Variants in PDE9A observed in about 807,000 individuals in gnomAD.
PDE9A encodes high affinity cGMP-specific 3',5'-cyclic phosphodiesterase 9A.
PDE9A carries 60 observed loss-of-function variants against 87.4 expected under a neutral mutation model. That is an observed-to-expected ratio of 0.69 (90% confidence interval 0.56 to 0.85). PDE9A has a LOEUF of 0.85. PDE9A is among the 40% of genes least tolerant of loss of function. The pLI is 0.00. For missense variants in PDE9A, 665 were observed against 779.0 expected (o/e 0.85, Z 1.74); for synonymous variants, 272 against 279.4 (o/e 0.97, Z 0.27).
At chr21:42,774,724 A>G (rs2057349108) in intron 19 of PDE9A, among the ~76,000 whole-genome samples, 1 of 151,586 alleles carries the variant, frequency 6.6e-6, no homozygotes, top group African/African-American at 2.4e-5. Flanking sequence ...TCTACTAAAA[A>G]CACAAAAATT....
chr21:42,768,725 G>C (rs1015874944), intron 16 of PDE9A: 31 of 985,308 alleles, frequency 3.1e-5, no homozygotes, highest in Non-Finnish European at 3.5e-5. Context: ...TAATACAACA[G>C]CTTGATGAAC....
chr21:42,758,960 C>T lies in PDE9A; in HGVS notation c.811-39C>T, dbSNP rs2055372430. ...AAGCCAGGGGCTGGGGAGCCGGCCA[C>T]ACAACTGCCCAGTGCCTATCCTTCT... On this transcript the variant is annotated intron_variant, in intron 10 of 19. Coordinates refer to ENST00000291539, the MANE Select transcript of PDE9A (RefSeq NM_002606.3). The T allele has an allele frequency of 3.3e-6, 5 of 1,517,098 alleles. No individual in the cohort carries two copies. The South Asian group carries it at 3.4e-5, about 10-fold the overall frequency. 94.0% of individuals were successfully genotyped at this position (1,517,098 alleles called of 1,614,324 possible).
intron 1 of PDE9A, among the ~76,000 whole-genome samples, chr21:42,670,309 AGACAC>A (rs2058397027): frequency 3.1e-5 from 4 of 127,070 alleles, no homozygotes; most frequent in African/African-American, 1.3e-4. Context: ...ACATACACTT[AGACAC>A]CACACTCACA....
rs142236050 is a variant in PDE9A at position 42,683,667 on chromosome 21, A to G, written c.70-2525A>G. Among the ~76,000 whole-genome samples, 26 of 152,298 alleles carry G rather than the reference A, an allele frequency of 1.7e-4. No individual in the cohort carries two copies. The East Asian group carries it at 5.0e-3, about 29-fold the overall frequency. ...GGCAAAGCCACTTCCCTTCTGAGTA[A>G]AGTCAGACGAGCCTGCCCAGTCCCA... is the stretch of plus-strand genomic sequence containing the variant. On this transcript the variant is annotated intron_variant, in intron 1 of 19. Coordinates refer to ENST00000291539, the MANE Select transcript of PDE9A (RefSeq NM_002606.3).
At chr21:42,726,402 A>C (rs1382958993) in intron 4 of PDE9A, among the ~76,000 whole-genome samples, 2 of 151,326 alleles carry the variant, frequency 1.3e-5, no homozygotes, top group African/African-American at 2.4e-5. Context: ...AAGACCCTGA[A>C]GATTTCTCCT....
intron 1 of PDE9A, among the ~76,000 whole-genome samples, chr21:42,666,800 T>A (rs1260007379): frequency 1.3e-5 from 2 of 152,206 alleles, no homozygotes; most frequent in African/African-American, 4.8e-5. Context: ...GGGACACAGT[T>A]CAGTCCATAG....
At chr21:42,657,542 C>T (rs1477510484) in intron 1 of PDE9A, among the ~76,000 whole-genome samples, 2 of 152,250 alleles carry the variant, frequency 1.3e-5, no homozygotes, top group Admixed American at 1.3e-4. Context: ...CTGCTCCTTT[C>T]TCTTGCCTAT....
At position 42,660,868 on chromosome 21, in the gene PDE9A, T is replaced by C. The variant is rs60013180; in HGVS notation, c.69+6985T>C. The stretch of plus-strand genomic sequence containing the variant: ...TGTCTTGAACCCATCCCTGACTGCC[T>C]GTCTCCCCCCTCACCCTGACCACAT... On this transcript the variant is annotated intron_variant, in intron 1 of 19. Transcript: ENST00000291539. This position sits in a 1 kb window ranked among gnomAD's most constrained non-coding sequence, Gnocchi z 4.7. Among the ~76,000 whole-genome samples the C allele has an allele frequency of 0.3, 45,739 of 151,768 alleles. 7,972 individuals carry two copies. Among genetic ancestry groups the C allele is most frequent in the African/African-American group, 0.49 (20,195 of 41,298 alleles).
intron 19 of PDE9A, among the ~76,000 whole-genome samples, chr21:42,773,381 T>C (rs1046377035): frequency 3.3e-5 from 5 of 152,150 alleles, no homozygotes; most frequent in African/African-American, 1.2e-4. Flanking sequence ...AAAAGTGCAA[T>C]TGAAGTACTG....
At chr21:42,677,604 C>G (rs1303328044) in intron 1 of PDE9A, among the ~76,000 whole-genome samples, 1 of 152,122 alleles carries the variant, frequency 6.6e-6, no homozygotes, top group African/African-American at 2.4e-5. Context: ...CATTCGCCAG[C>G]CTGTCATGCT....
rs985643522 is a variant in PDE9A, at chr21:42,739,985, A to G, written c.569-3791A>G. Among the ~76,000 whole-genome samples the G allele has an allele frequency of 1.3e-5, 2 of 152,206 alleles. No homozygotes were observed. The highest frequency in any genetic ancestry group is 4.8e-5 in the African/African-American group (2 of 41,450). Reference sequence around the variant, plus strand: ...CATGGGGAAGGGCCGTGACCTCCTGATGAGTGAAAATAGCAAGTTAGAAAA... The same window carrying G: ...CATGGGGAAGGGCCGTGACCTCCTGGTGAGTGAAAATAGCAAGTTAGAAAA... On this transcript the variant is annotated intron_variant, in intron 7 of 19. Transcript: ENST00000291539. The surrounding 1 kb of genome is among the most constrained non-coding windows in gnomAD (Gnocchi z 4.1).
chr21:42,710,994 A>G (rs2049284644), intron 4 of PDE9A, among the ~76,000 whole-genome samples: 1 of 152,246 alleles, frequency 6.6e-6, no homozygotes, highest in Non-Finnish European at 1.5e-5. Context: ...TCTCAAAAAA[A>G]ATATGTAAAA....
chr21:42,763,993 T>G (rs561535954), intron 14 of PDE9A, among the ~76,000 whole-genome samples: 1 of 152,220 alleles, frequency 6.6e-6, no homozygotes, highest in Non-Finnish European at 1.5e-5. Flanking sequence ...AATGCCACCA[T>G]GTGCCAGAGG....
rs984105950 is a variant in PDE9A at position 42,739,227 on chromosome 21, C to T, written c.569-4549C>T. 1.3e-5 allele frequency among the ~76,000 whole-genome samples: 2 copies of T among 152,204 alleles called. No homozygotes were observed. Among genetic ancestry groups the T allele is most frequent in the South Asian group, 2.1e-4 (1 of 4,836 alleles). ...AGGAGCGGGCCATGATGGGCAGAGC[C>T]GACGTCCAGGCTCCACGGTAGGGCC... On this transcript the variant is annotated intron_variant, in intron 7 of 19. Transcript: ENST00000291539. The surrounding 1 kb of genome is among the most constrained non-coding windows in gnomAD (Gnocchi z 4.1).
At chr21:42,768,491 A>C in intron 16 of PDE9A, 199 bp downstream of exon 16, 3 of 1,234,256 alleles carry the variant, frequency 2.4e-6, no homozygotes, top group South Asian at 2.0e-5. Context: ...GACAGTAACA[A>C]TCCAGAAAAG....
intron 2 of PDE9A, 56 bp from the exon 3 acceptor site, chr21:42,687,861 G>A: frequency 7.0e-7 from 1 of 1,432,392 alleles, no homozygotes; most frequent in Admixed American, 1.7e-5. Context: ...GTACATTCAA[G>A]TGTACATCCC....
At chr21:42,747,458 A>G (rs1327002710) in intron 8 of PDE9A, among the ~76,000 whole-genome samples, 1 of 152,200 alleles carries the variant, frequency 6.6e-6, no homozygotes, top group African/African-American at 2.4e-5. Context: ...TGAAATGTGG[A>G]GCTACATTCA....
intron 4 of PDE9A, among the ~76,000 whole-genome samples, chr21:42,709,434 G>A (rs190206982): frequency 1.3e-5 from 2 of 152,250 alleles, no homozygotes; most frequent in East Asian, 3.9e-4. Context: ...TGCATGTCCT[G>A]CACATGTATC....
rs2052899828 is a variant in PDE9A at position 42,739,720 on chromosome 21, G to A, written c.569-4056G>A. Among the ~76,000 whole-genome samples the A allele has an allele frequency of 6.6e-6, 1 of 151,952 alleles. No homozygotes were observed. Among genetic ancestry groups the A allele is most frequent in the Non-Finnish European group, 1.5e-5 (1 of 68,000 alleles). On this transcript the variant is annotated intron_variant, in intron 7 of 19. Coordinates refer to ENST00000291539, the MANE Select transcript of PDE9A (RefSeq NM_002606.3). The surrounding 1 kb of genome is among the most constrained non-coding windows in gnomAD (Gnocchi z 4.1). ...GGTAGCCAGGGAAGCGGATCTCGGTGGACTCTGCACTGTCAATACAAACGC... is the reference window on the plus strand; with the variant it reads ...GGTAGCCAGGGAAGCGGATCTCGGTAGACTCTGCACTGTCAATACAAACGC...
Sources: allele counts gnomAD v4.1 joint callset (sites outside exome capture counted in the v4.1 genomes callset), GRCh38; gene constraint gnomAD v4.1.1; non-coding constraint Gnocchi (gnomAD v3.1); transcripts MANE v1.5; gene names NCBI Gene and HGNC (gene_info 2026-07-23, HGNC 2026-07-21).